Variants in SGK2 observed in about 807,000 individuals in gnomAD.
SGK2 encodes the protein serine/threonine-protein kinase Sgk2.
A neutral mutation model predicts 47.5 loss-of-function variants in SGK2; 36 were observed. That is an observed-to-expected ratio of 0.76 (90% confidence interval 0.58 to 1.00). The LOEUF is 1.00. Among genes scored for constraint, SGK2 ranks in the 50% least tolerant of loss-of-function variants. The pLI is 0.00. For synonymous variants in SGK2, 157 were observed against 181.9 expected (o/e 0.86, Z 1.10); for missense variants, 404 against 467.4 (o/e 0.86, Z 1.25).
At chr20:43,562,230 A>T (rs926079656) in intron 1 of SGK2, among the ~76,000 whole-genome samples, 1 of 151,718 alleles carries the variant, frequency 6.6e-6, no homozygotes, top group Non-Finnish European at 1.5e-5. Flanking sequence ...CCTGGGCAAC[A>T]TAGTGAAACC....
chr20:43,567,883 C>A (rs1471077242), intron 4 of SGK2, 33 bp from the exon 5 acceptor site: 1 of 1,606,090 alleles, frequency 6.2e-7, no homozygotes, highest in Non-Finnish European at 8.5e-7. Context: ...TCCAAAGTCA[C>A]CTACAGGGCC....
chr20:43,566,390 G>T (rs750842365), intron 1 of SGK2, 83 bp from the exon 2 acceptor site: 1 of 1,614,208 alleles, frequency 6.2e-7, no homozygotes, highest in Non-Finnish European at 8.5e-7. Context: ...GATGGAGAGG[G>T]CAGTGGTGCC....
chr20:43,579,361 G>A (rs1299548635), intron 11 of SGK2, among the ~76,000 whole-genome samples: 1 of 152,018 alleles, frequency 6.6e-6, no homozygotes, highest in Non-Finnish European at 1.5e-5. Flanking sequence ...AGCCCACTGG[G>A]GTTCCTGATA....
At chr20:43,560,430 C>T (rs552597996) in intron 1 of SGK2, among the ~76,000 whole-genome samples, 14 of 150,062 alleles carry the variant, frequency 9.3e-5, no homozygotes, top group Non-Finnish European at 1.5e-5. Context: ...ACCCAGGAGG[C>T]GGAGGTTGCA....
intron 11 of SGK2, among the ~76,000 whole-genome samples, chr20:43,578,703 A>G (rs976240748): frequency 2.0e-5 from 3 of 152,214 alleles, no homozygotes; most frequent in Non-Finnish European, 4.4e-5. Context: ...TCTGGCACAC[A>G]ATAAGTGCTT....
chr20:43,572,209 G>A lies in SGK2; in HGVS notation c.597+72G>A. ...CCACAGCTCCTGATTAGAGCCAACA[G>A]GTTACAGTGAAGGGGACTCACTCCT... On this transcript the variant is annotated intron_variant, in intron 9 of 12. Transcript: ENST00000373100. This position sits in a 1 kb window ranked among gnomAD's most constrained non-coding sequence, Gnocchi z 4.2. 1.7e-6 allele frequency: 2 copies of A among 1,158,972 alleles called. No individual in the cohort carries two copies. The highest frequency in any genetic ancestry group is 2.5e-6 in the Non-Finnish European group (2 of 792,342). 71.8% of individuals were successfully genotyped at this position (1,158,972 alleles called of 1,614,324 possible).
chr20:43,575,084 C>T, intron 10 of SGK2, 80 bp downstream of exon 10: 2 of 898,114 alleles, frequency 2.2e-6, no homozygotes, highest in Non-Finnish European at 3.6e-6. Flanking sequence ...CAAGCTCTGT[C>T]CAGGAAAATG....
intron 1 of SGK2, among the ~76,000 whole-genome samples, chr20:43,562,586 C>T (rs1568656922): frequency 1.4e-5 from 2 of 147,934 alleles, no homozygotes; most frequent in African/African-American, 5.0e-5. Context: ...ACTAAAAATA[C>T]AAAAATTAGC....
At chr20:43,560,020 G>A (rs749868501) in intron 1 of SGK2, among the ~76,000 whole-genome samples, 37 of 152,072 alleles carry the variant, frequency 2.4e-4, no homozygotes, top group African/African-American at 7.5e-4. Flanking sequence ...TTAGAACACC[G>A]TGGTGCGAGA....
At chr20:43,580,858 G>GT (rs943826688) in intron 12 of SGK2, among the ~76,000 whole-genome samples, 70 of 149,864 alleles carry the variant, frequency 4.7e-4, no homozygotes, top group African/African-American at 9.3e-4. Context: ...TTTTCTATGT[G>GT]TTTTTTTTTG....
chr20:43,583,626 G>A (rs1980932607), intron 12 of SGK2: 1 of 985,108 alleles, frequency 1.0e-6, no homozygotes, highest in Admixed American at 6.2e-5. Context: ...GACTGTATTG[G>A]TTAGCTCTTG....
At chr20:43,560,359 C>T (rs1040377664) in intron 1 of SGK2, among the ~76,000 whole-genome samples, 2 of 152,000 alleles carry the variant, frequency 1.3e-5, no homozygotes, top group East Asian at 1.9e-4. Flanking sequence ...ATTAGCCGAG[C>T]GTCGTGACAC....
intron 10 of SGK2, 25 bp downstream of exon 10, chr20:43,575,029 A>G: frequency 1.3e-6 from 2 of 1,531,450 alleles, no homozygotes; most frequent in East Asian, 2.3e-5. Context: ...GCCATCTACA[A>G]GGGCCATCTG....
At chr20:43,561,579 G>A (rs1477528759) in intron 1 of SGK2, among the ~76,000 whole-genome samples, 3 of 151,786 alleles carry the variant, frequency 2.0e-5, no homozygotes, top group Non-Finnish European at 2.9e-5. Context: ...TAGTAGAGAC[G>A]GGGTTTCACC....
intron 12 of SGK2, among the ~76,000 whole-genome samples, chr20:43,584,590 C>T (rs183228738): frequency 7.3e-4 from 111 of 152,300 alleles, no homozygotes; most frequent in African/African-American, 2.5e-3. Flanking sequence ...GTGTTCCCAG[C>T]GCCACGAACA....
At position 43,559,456 on chromosome 20, in the gene SGK2, G is replaced by A. The variant is rs761620303; in HGVS notation, c.-24+297G>A. On this transcript the variant is annotated intron_variant, in intron 1 of 12. Transcript: ENST00000373100. ...TATTGTCTTCCTGAAATTCCAGGCC[G>A]TGGGCTTTGCAGTCAGATGGCCTGG... 1.1e-4 allele frequency among the ~76,000 whole-genome samples: 17 copies of A among 152,052 alleles called. No homozygotes were observed. The South Asian group carries it at 1.7e-3, about 15-fold the overall frequency.
intron 1 of SGK2, among the ~76,000 whole-genome samples, chr20:43,562,466 C>T (rs1273840956): frequency 6.8e-6 from 1 of 147,592 alleles, no homozygotes; most frequent in East Asian, 2.0e-4. Context: ...TTTGGCTGGG[C>T]ACGGTGGCTC....
At chr20:43,571,163 G>C (rs948641779) in intron 8 of SGK2, 103 bp downstream of exon 8, 2 of 1,528,522 alleles carry the variant, frequency 1.3e-6, no homozygotes, top group African/African-American at 2.8e-5. Flanking sequence ...TGCATGCATT[G>C]TACATGTATG....
chr20:43,567,664 G>A lies in SGK2; in HGVS notation c.87-1G>A, dbSNP rs1316263173. The A allele has an allele frequency of 2.5e-6, 4 of 1,614,126 alleles. No homozygotes were observed. The highest frequency in any genetic ancestry group is 3.4e-6 in the Non-Finnish European group (4 of 1,179,998). On this transcript the variant is annotated splice_acceptor_variant, in intron 3 of 12. Transcript: ENST00000373100. LOFTEE classifies it high-confidence loss of function. The stretch of plus-strand genomic sequence containing the variant: ...ATCCGTGTTTTTCCCTCTTCCCCCA[G>A]TGCCCAGCCCACGGACTTCGACTTC...
Sources: gnomAD v4.1 joint callset for allele counts (sites outside exome capture counted in the v4.1 genomes callset) on GRCh38, gnomAD v4.1.1 for gene constraint, Gnocchi (gnomAD v3.1) non-coding constraint, MANE v1.5 for transcripts, NCBI Gene and HGNC (gene_info 2026-07-23, HGNC 2026-07-21) for gene names.